Variants in SLC22A25 observed in about 807,000 individuals in gnomAD.
SLC22A25 encodes MGI:2442751, MGI:2385316, MGI:3042283, MGI:3645714, MGI:3605624, MGI:2442750.
Under a neutral mutation model 45.9 loss-of-function variants are expected in SLC22A25, and 44 were observed. The ratio of observed to expected loss-of-function variants is 0.96; its 90% CI spans 0.75 to 1.23. The LOEUF (loss-of-function observed/expected upper bound fraction) is 1.23. Ranked by LOEUF, SLC22A25 falls within the 50% of genes most tolerant of loss-of-function variation. The pLI is 0.00. For missense variants in SLC22A25, 800 were observed against 666.4 expected, an observed-to-expected ratio of 1.20 and a Z score of -2.21; for synonymous variants, 283 against 238.6, an observed-to-expected ratio of 1.19 and a Z score of -1.72.
intron 7 of SLC22A25, among the ~76,000 whole-genome samples, chr11:63,184,768 T>C (rs562513913): frequency 6.6e-6 from 1 of 152,288 alleles, no homozygotes; most frequent in South Asian, 2.1e-4. Flanking sequence ...AATATTTTCC[T>C]CTATTGGAGA....
At chr11:63,222,136 T>C (rs1436942325) in intron 5 of SLC22A25, among the ~76,000 whole-genome samples, 4 of 152,196 alleles carry the variant, frequency 2.6e-5, no homozygotes, top group African/African-American at 9.6e-5. Flanking sequence ...TCATATATAG[T>C]TTAGAATTGT....
intron 3 of SLC22A25, among the ~76,000 whole-genome samples, chr11:63,234,039 G>A (rs1404211790): frequency 1.3e-5 from 2 of 152,222 alleles, no homozygotes; most frequent in Non-Finnish European, 2.9e-5. Context: ...ATTTGCTGAG[G>A]AGAGCTTTAC....
intron 7 of SLC22A25, among the ~76,000 whole-genome samples, chr11:63,205,900 T>C (rs756332765): frequency 1.1e-4 from 17 of 152,110 alleles, no homozygotes; most frequent in South Asian, 1.0e-3. Context: ...AAATCCTCAA[T>C]AAAATATGGG....
intron 9 of SLC22A25, among the ~76,000 whole-genome samples, chr11:63,171,491 A>G (rs1182079674): frequency 2.6e-5 from 4 of 152,232 alleles, no homozygotes; most frequent in Non-Finnish European, 5.9e-5. Flanking sequence ...TGCAAAAATC[A>G]CAAGCATTCC....
At chr11:63,213,635 C>G (rs1378625223) in intron 7 of SLC22A25, among the ~76,000 whole-genome samples, 2 of 152,150 alleles carry the variant, frequency 1.3e-5, no homozygotes, top group Non-Finnish European at 2.9e-5. Context: ...GTGAAAATCC[C>G]CAGATAACAC....
intron 9 of SLC22A25, among the ~76,000 whole-genome samples, chr11:63,177,861 T>TA (rs1273970664): frequency 0.36 from 2,002 of 5,488 alleles, 177 homozygotes; most frequent in Middle Eastern, 0.45. Flanking sequence ...AATGTATATA[T>TA]ATAATATATA....
At chr11:63,240,807 TG>T (rs1250433820) in intron 1 of SLC22A25, among the ~76,000 whole-genome samples, 1 of 152,200 alleles carries the variant, frequency 6.6e-6, no homozygotes, top group Non-Finnish European at 1.5e-5. Context: ...TGCATGGGGT[TG>T]TCATCTCCTG....
intron 5 of SLC22A25, among the ~76,000 whole-genome samples, chr11:63,223,316 G>C (rs998411931): frequency 1.3e-5 from 2 of 151,964 alleles, no homozygotes; most frequent in Admixed American, 6.6e-5. Flanking sequence ...TTATTGGTCT[G>C]TTCTGGTTTT....
At chr11:63,239,734 CAG>C (rs912877051) in intron 1 of SLC22A25, among the ~76,000 whole-genome samples, 1 of 152,118 alleles carries the variant, frequency 6.6e-6, no homozygotes, top group Non-Finnish European at 1.5e-5. Flanking sequence ...AGGGCAGAGT[CAG>C]GGTAGTGAAG....
chr11:63,240,844 T>C (rs1043090861), intron 1 of SLC22A25, among the ~76,000 whole-genome samples: 14 of 152,286 alleles, frequency 9.2e-5, no homozygotes, highest in African/African-American at 3.4e-4. Context: ...TCTGTGTAAA[T>C]GGTACTCCCA....
chr11:63,189,373 C>T (rs1294892182), intron 7 of SLC22A25, among the ~76,000 whole-genome samples: 2 of 151,904 alleles, frequency 1.3e-5, no homozygotes, highest in African/African-American at 4.8e-5. Context: ...GCTACCCCTG[C>T]TTTTTTTTGT....
intron 7 of SLC22A25, among the ~76,000 whole-genome samples, chr11:63,185,392 G>A (rs1016644205): frequency 6.6e-6 from 1 of 151,516 alleles, no homozygotes; most frequent in Non-Finnish European, 1.5e-5. Flanking sequence ...GTGGTGTTTG[G>A]TTTTCTGTCC....
intron 7 of SLC22A25, among the ~76,000 whole-genome samples, chr11:63,197,380 A>G (rs544158391): frequency 6.6e-6 from 1 of 152,340 alleles, no homozygotes; most frequent in East Asian, 1.9e-4. Context: ...AGTCACCAAA[A>G]CAGCATGGTA....
At chr11:63,176,855 C>T (rs944770648) in intron 9 of SLC22A25, among the ~76,000 whole-genome samples, 7 of 151,990 alleles carry the variant, frequency 4.6e-5, no homozygotes, top group African/African-American at 9.7e-5. Flanking sequence ...AAGCCTTATA[C>T]TTTAATATGC....
intron 9 of SLC22A25, among the ~76,000 whole-genome samples, chr11:63,171,929 A>G (rs2087901782): frequency 6.6e-6 from 1 of 152,208 alleles, no homozygotes; most frequent in Non-Finnish European, 1.5e-5. Context: ...AGTAATCAAA[A>G]CTGCATGGTA....
intron 1 of SLC22A25, among the ~76,000 whole-genome samples, chr11:63,242,606 G>A (rs2090267905): frequency 6.6e-6 from 1 of 152,188 alleles, no homozygotes; most frequent in East Asian, 1.9e-4. Context: ...GCCAGCTGGA[G>A]GGTGGGTCTG....
At chr11:63,239,172 C>A (rs2090208977) in intron 1 of SLC22A25, 37 bp from the exon 2 acceptor site, 1 of 152,344 alleles carries the variant, frequency 6.6e-6, no homozygotes. Context: ...CAGATAAGTT[C>A]AAAGAGAAAA....
chr11:63,171,380 A>C (rs1414789829), intron 9 of SLC22A25, among the ~76,000 whole-genome samples: 7 of 151,662 alleles, frequency 4.6e-5, no homozygotes, highest in Non-Finnish European at 1.0e-4. Context: ...TTGTCTCTGC[A>C]GATGACATGA....
At chr11:63,205,425 A>G (rs2089372459) in intron 7 of SLC22A25, among the ~76,000 whole-genome samples, 1 of 152,190 alleles carries the variant, frequency 6.6e-6, no homozygotes, top group Non-Finnish European at 1.5e-5. Flanking sequence ...ATACAGAAGA[A>G]AAGAGAGAAG....
Sources: gnomAD v4.1 joint callset for allele counts (sites outside exome capture counted in the v4.1 genomes callset) on GRCh38, gnomAD v4.1.1 for gene constraint, MANE v1.5 for transcripts, NCBI Gene and HGNC (gene_info 2026-07-23, HGNC 2026-07-21) for gene names.